NOD1: variants seen among roughly 807,000 people sequenced by gnomAD.
The protein encoded by NOD1 is nucleotide-binding oligomerization domain-containing protein 1.
In NOD1, 70 loss-of-function variants were observed where a neutral mutation model predicts 81.2. That is an observed-to-expected ratio of 0.86 (90% CI 0.71 to 1.05). The LOEUF is 1.05. Ranked by LOEUF, NOD1 falls within the 50% of genes least tolerant of loss-of-function variation. NOD1 has a pLI of 0.00. For synonymous variants in NOD1, 508 were observed against 526.9 expected (o/e 0.96, Z 0.49); for missense variants, 1,233 against 1,228.0 (o/e 1.00, Z -0.06).
chr7:30,432,686 C>A lies in NOD1; in HGVS notation c.2705+410G>T, dbSNP rs545306527. On this transcript the variant is annotated intron_variant, in intron 12 of 13. Transcript: ENST00000222823. ...CATAATAGTCAAAAAGTAGAAACAACCCAAATGTCCCATCAACTGATTAAT... is the reference window on the plus strand; with the variant it reads ...CATAATAGTCAAAAAGTAGAAACAAACCAAATGTCCCATCAACTGATTAAT... Among the ~76,000 whole-genome samples the A allele has an allele frequency of 7.4e-4, 113 of 152,308 alleles. 1 individual carries two copies. The South Asian group carries it at 9.1e-3, about 12-fold the overall frequency.
intron 1 of NOD1, among the ~76,000 whole-genome samples, chr7:30,469,407 T>G (rs994353169): frequency 5.9e-5 from 9 of 151,988 alleles, no homozygotes; most frequent in African/African-American, 1.7e-4. Flanking sequence ...CCCTCCCTAC[T>G]CCCTCTTCCC....
rs374028320 is a variant in NOD1 at position 30,451,805 on chromosome 7, G to T, written c.1612C>A (p.Gln538Lys). 4.9e-5 allele frequency: 79 copies of T among 1,613,810 alleles called. No homozygotes were observed. In the Middle Eastern group the frequency reaches 6.6e-4, roughly 13 times the overall value. The change falls in exon 6 of 14, where the codon CAG (glutamine) becomes AAG (lysine). Residue 538 changes from glutamine to lysine, a missense_variant. Transcript: ENST00000222823. This position sits in a 1 kb window ranked among gnomAD's most constrained non-coding sequence, Gnocchi z 4.2. ...FLVLDDRVGT[Q>K]ELLRFFQEWM... ...TCCTGGAAGAACCTGAGCAGCTCCT[G>T]AGTGCCCACCCTGTCGTCCAGCACG...
chr7:30,460,692 T>G, intron 1 of NOD1: 1 of 984,832 alleles, frequency 1.0e-6, no homozygotes, highest in Non-Finnish European at 1.2e-6. Context: ...CAAAGGCAGG[T>G]GGGGGTAGAG....
At position 30,478,398 on chromosome 7, in the gene NOD1, T is replaced by TC. The variant is rs1376329716; in HGVS notation, c.-352+207dup. On this transcript the variant is annotated intron_variant, in intron 1 of 13. Transcript: ENST00000222823. This position sits in a 1 kb window ranked among gnomAD's most constrained non-coding sequence, Gnocchi z 4.1. ...GTTCGACCACAGTGGGATAAACGAT[T>TC]CCGCTGACTGTGAAGTTCATCCCTC... 2.0e-5 allele frequency among the ~76,000 whole-genome samples: 3 copies of TC among 152,174 alleles called. No individual in the cohort carries two copies. Among genetic ancestry groups the TC allele is most frequent in the African/African-American group, 7.2e-5 (3 of 41,430 alleles).
chr7:30,437,806 C>T, intron 9 of NOD1, 150 bp from the exon 10 acceptor site: 2 of 571,000 alleles, frequency 3.5e-6, no homozygotes, highest in South Asian at 2.4e-5. Context: ...ACACTAATTC[C>T]TCACACTGGT....
At chr7:30,472,021 T>C (rs55841603) in intron 1 of NOD1, among the ~76,000 whole-genome samples, 23,446 of 152,254 alleles carry the variant, frequency 0.15, 2,061 homozygotes, top group Admixed American at 0.23. Flanking sequence ...CACTCCAGAA[T>C]TGTTTCACAC....
At chr7:30,446,631 C>T (rs576473707) in intron 8 of NOD1, 1 of 398,132 alleles carries the variant, frequency 2.5e-6, no homozygotes, top group Non-Finnish European at 4.6e-6. Flanking sequence ...GCAGGGCACA[C>T]CTACAGCAGG....
At position 30,452,245 on chromosome 7, in the gene NOD1, G is replaced by T. The variant is rs1328706136; in HGVS notation, c.1172C>A (p.Pro391His). 2 of 1,613,766 alleles carry T rather than the reference G, an allele frequency of 1.2e-6. No homozygotes were observed. Among genetic ancestry groups the T allele is most frequent in the East Asian group, 4.5e-5 (2 of 44,876 alleles). Residue 391 changes from proline to histidine, a missense_variant, in exon 6 of 14, where the codon CCC becomes CAC. Coordinates refer to ENST00000222823, the MANE Select transcript of NOD1 (RefSeq NM_006092.4). ...CCGGAAGATGATCCAGCAGAAGAGG[G>T]GCACAGAGCACAGGCTGCAGAGGTT... ...NPNLCSLCSVPLFCWIIFRCF... is the reference protein window; with the variant it reads ...NPNLCSLCSVHLFCWIIFRCF...
intron 1 of NOD1, among the ~76,000 whole-genome samples, chr7:30,474,832 G>A (rs887419451): frequency 6.6e-6 from 1 of 152,176 alleles, no homozygotes; most frequent in Non-Finnish European, 1.5e-5. Context: ...TGCATGTCTG[G>A]TATACTTTAT....
At chr7:30,454,649 T>C (rs1786150880) in intron 5 of NOD1, among the ~76,000 whole-genome samples, 1 of 152,192 alleles carries the variant, frequency 6.6e-6, no homozygotes, top group Admixed American at 6.5e-5. Flanking sequence ...TTTCCTTTTT[T>C]AGAGACAGGG....
At chr7:30,464,764 TAGCC>T (rs1404317720) in intron 1 of NOD1, among the ~76,000 whole-genome samples, 1 of 152,230 alleles carries the variant, frequency 6.6e-6, no homozygotes, top group Non-Finnish European at 1.5e-5. Flanking sequence ...GTTAGCAAGT[TAGCC>T]AGCCTTTCTG....
Position 30,451,737 on chromosome 7 carries a change from A to G in NOD1, c.1680T>C (p.Pro560=), listed in dbSNP as rs1272180721. The G allele has an allele frequency of 1.2e-6, 2 of 1,613,648 alleles. No homozygotes were observed. Among genetic ancestry groups the G allele is most frequent in the Middle Eastern group, 1.6e-4 (1 of 6,062 alleles). The change falls in exon 6 of 14, where the codon CCT becomes CCC. Residue 560 remains proline (P), a synonymous_variant. Coordinates refer to ENST00000222823, the MANE Select transcript of NOD1 (RefSeq NM_006092.4). The surrounding 1 kb of genome is among the most constrained non-coding windows in gnomAD (Gnocchi z 4.2). ...GCAGGCACTGGAACGGGAGGAAGGG[A>G]GGATAGCAGGACGTGGTCGCTGCCC... ...PAGAATTSCY[P]PFLPFQCLQG... is the part of the protein sequence containing the mutation.
Position 30,452,532 on chromosome 7 carries a change from C to T in NOD1, c.885G>A (p.Leu295=). 6.2e-7 allele frequency: 1 copy of T among 1,613,170 alleles called. No homozygotes were observed. Among genetic ancestry groups the T allele is most frequent in the South Asian group, 1.1e-5 (1 of 91,078 alleles). Residue 295 remains leucine, a synonymous_variant, in exon 6 of 14, where the codon CTG becomes CTA. Coordinates refer to ENST00000222823, the MANE Select transcript of NOD1 (RefSeq NM_006092.4). ...GLDELHSDLD[L]SRVPDSSCPW... The stretch of plus-strand genomic sequence containing the variant: ...GGCAGGAGCTGTCAGGCACGCGGCT[C>T]AGGTCCAAGTCCGAGTGCAGCTCGT...
At chr7:30,469,375 T>C (rs918886623) in intron 1 of NOD1, among the ~76,000 whole-genome samples, 2 of 152,032 alleles carry the variant, frequency 1.3e-5, no homozygotes, top group African/African-American at 4.8e-5. Flanking sequence ...CGGAATCACC[T>C]CTCTCTCTCC....
rs775233630 is a variant in NOD1 at position 30,452,819 on chromosome 7, TGAAGA to T, written c.593_597del (p.Ile198AsnfsTer4). 36 of 1,613,980 alleles carry T rather than the reference TGAAGA, an allele frequency of 2.2e-5. No individual in the cohort carries two copies. Among genetic ancestry groups the T allele is most frequent in the Non-Finnish European group, 3.1e-5 (36 of 1,180,022 alleles). ...TTGCCCACCCCAGCATCACCCAGGATGAAGATGGTCTCACCCTGCTCATTGAGGAT... is the reference window on the plus strand; with the variant it reads ...TTGCCCACCCCAGCATCACCCAGGATTGGTCTCACCCTGCTCATTGAGGAT... On this transcript the variant is annotated frameshift_variant, in exon 6 of 14. Transcript: ENST00000222823. LOFTEE classifies it high-confidence loss of function.
Position 30,456,860 on chromosome 7 carries a change from T to G in NOD1, c.62A>C (p.Gln21Pro). 1 of 1,614,192 alleles carries G rather than the reference T, an allele frequency of 6.2e-7. No individual in the cohort carries two copies. Among genetic ancestry groups the G allele is most frequent in the South Asian group, 1.1e-5 (1 of 91,080 alleles). The stretch of plus-strand genomic sequence containing the variant: ...AAGTTCCCGATTGCTTTTCAGTAAT[T>G]GAATGTGGGGGTGAGACTCTGATGG... The part of the protein sequence containing the change: ...IIPSESHPHI[Q>P]LLKSNRELLV... The change falls in exon 4 of 14, where the codon CAA becomes CCA. Residue 21 changes from glutamine (Q) to proline (P), a missense_variant. Transcript: ENST00000222823.
In NOD1 at chr7:30,457,016, C is replaced by T; in HGVS notation, c.-95G>A. On this transcript the variant is annotated 5_prime_UTR_variant, in exon 4 of 14. Coordinates refer to ENST00000222823, the MANE Select transcript of NOD1 (RefSeq NM_006092.4). ...CAATCAGGATTCAGGCCGCGCCCTC[C>T]AGGGCCCCTGCTACTCTGCGCAGCC... The T allele has an allele frequency of 2.0e-6, 2 of 998,870 alleles. No homozygotes were observed. The highest frequency in any genetic ancestry group is 3.7e-5 in the Admixed American group (2 of 54,632). 61.9% of individuals were successfully genotyped at this position (998,870 alleles called of 1,614,324 possible).
chr7:30,439,315 G>A (rs942482177), intron 9 of NOD1, among the ~76,000 whole-genome samples: 8 of 140,402 alleles, frequency 5.7e-5, no homozygotes, highest in Admixed American at 2.7e-4. Flanking sequence ...CGCAGAAGAC[G>A]GGTGATTTCT....
In NOD1 at chr7:30,451,533, C is replaced by G. The variant is rs1785707643; in HGVS notation, c.1884G>C (p.Leu628=). 1.2e-6 allele frequency: 2 copies of G among 1,613,020 alleles called. No individual in the cohort carries two copies. The highest frequency in any genetic ancestry group is 1.7e-6 in the Non-Finnish European group (2 of 1,179,730). The change falls in exon 6 of 14, where the codon CTG becomes CTC. Residue 628 remains leucine (L), a synonymous_variant. Transcript: ENST00000222823. This position sits in a 1 kb window ranked among gnomAD's most constrained non-coding sequence, Gnocchi z 4.2. ...KALWAHLFSS[L]RGYLKSLPRV... is the part of the protein sequence containing the mutation. The stretch of plus-strand genomic sequence containing the variant: ...GGGGCAGGCTCTTCAGGTAGCCCCG[C>G]AGGCTGGAAAACAGGTGTGCCCACA...
Sources: gnomAD v4.1 joint callset for allele counts (sites outside exome capture counted in the v4.1 genomes callset) on GRCh38, gnomAD v4.1.1 for gene constraint, Gnocchi (gnomAD v3.1) non-coding constraint, MANE v1.5 for transcripts, NCBI Gene and HGNC (gene_info 2026-07-23, HGNC 2026-07-21) for gene names.